The following MYZAP variants were observed in gnomAD, a reference collection of about 807,000 sequenced individuals.
The protein encoded by MYZAP is GRINL1A complex locus upstream.
MYZAP carries 66 observed loss-of-function variants against 69.4 expected under a neutral mutation model. The ratio of observed to expected loss-of-function variants is 0.95; its 90% CI spans 0.78 to 1.17. MYZAP has a LOEUF of 1.17. MYZAP is among the 50% of genes most tolerant of loss of function. MYZAP has a pLI of 0.00. For missense variants in MYZAP, 611 were observed against 556.2 expected (o/e 1.10, Z -0.99); for synonymous variants, 256 against 205.9 (o/e 1.24, Z -2.09).
At chr15:57,625,438 C>T (rs1310190340) in intron 4 of MYZAP, among the ~76,000 whole-genome samples, 1 of 152,198 alleles carries the variant, frequency 6.6e-6, no homozygotes, top group African/African-American at 2.4e-5. Flanking sequence ...GTTATTTCAA[C>T]TGGGTTCTAG....
intron 11 of MYZAP, among the ~76,000 whole-genome samples, chr15:57,674,422 A>G (rs1307010365): frequency 6.6e-6 from 1 of 152,214 alleles, no homozygotes; most frequent in Non-Finnish European, 1.5e-5. Flanking sequence ...TTCCACACCT[A>G]CGAAAGACTA....
chr15:57,604,210 T>C, intron 1 of MYZAP, 59 bp from the exon 2 acceptor site: 1 of 1,579,220 alleles, frequency 6.3e-7, no homozygotes, highest in South Asian at 1.1e-5. Context: ...CAAGGTCATC[T>C]GGCTCTTTCT....
intron 10 of MYZAP, among the ~76,000 whole-genome samples, chr15:57,644,074 G>C (rs924583607): frequency 1.3e-5 from 2 of 152,222 alleles, no homozygotes; most frequent in Non-Finnish European, 2.9e-5. Context: ...TGGCAGATGG[G>C]ATGGAGGCAG....
intron 2 of MYZAP, among the ~76,000 whole-genome samples, chr15:57,606,089 T>C (rs1253767809): frequency 6.6e-6 from 1 of 152,132 alleles, no homozygotes; most frequent in Non-Finnish European, 1.5e-5. Flanking sequence ...TACTCATCAA[T>C]AGATGCAAAA....
Position 57,591,969 on chromosome 15 carries a change from C to T in MYZAP, c.-66C>T, listed in dbSNP as rs2033690731. On this transcript the variant is annotated 5_prime_UTR_variant, in exon 1 of 13. Coordinates refer to ENST00000267853, the MANE Select transcript of MYZAP (RefSeq NM_001018100.5). Reference sequence around the variant, plus strand: ...CCGCGTCGCCCCCGCGCAGGGCGGGCCCCGCACGCTTATTCTGCCCGGGAG... The same window carrying T: ...CCGCGTCGCCCCCGCGCAGGGCGGGTCCCGCACGCTTATTCTGCCCGGGAG... The T allele has an allele frequency of 1.5e-6, 2 of 1,318,410 alleles. No homozygotes were observed. The highest frequency in any genetic ancestry group is 3.7e-5 in the Admixed American group (1 of 26,902). 81.7% of individuals were successfully genotyped at this position (1,318,410 alleles called of 1,614,324 possible).
At chr15:57,601,963 A>T (rs866809873) in intron 1 of MYZAP, among the ~76,000 whole-genome samples, 1 of 152,138 alleles carries the variant, frequency 6.6e-6, no homozygotes, top group African/African-American at 2.4e-5. Context: ...AAGTGCTAAC[A>T]TGGGTCCCAA....
chr15:57,643,905 A>C (rs2037304902), intron 10 of MYZAP, among the ~76,000 whole-genome samples: 1 of 152,154 alleles, frequency 6.6e-6, no homozygotes, highest in Non-Finnish European at 1.5e-5. Flanking sequence ...CATTTTCTTT[A>C]GACTTCTTTT....
At chr15:57,664,161 G>A (rs2038454307) in intron 11 of MYZAP, among the ~76,000 whole-genome samples, 1 of 151,064 alleles carries the variant, frequency 6.6e-6, no homozygotes, top group African/African-American at 2.4e-5. Flanking sequence ...CTTTCAGACA[G>A]GTGCAGTCAT....
chr15:57,593,214 A>ACACACACACCCC lies in MYZAP; in HGVS notation c.75+1106_75+1107insACACACACCCCC, dbSNP rs1172761785. 3.0e-4 allele frequency among the ~76,000 whole-genome samples: 43 copies of ACACACACACCCC among 141,434 alleles called. 1 individual carries two copies. Among genetic ancestry groups the ACACACACACCCC allele is most frequent in the African/African-American group, 9.5e-4 (34 of 35,868 alleles). The allele number at this position is 141,434 out of a possible 152,430, so 92.8% of individuals were successfully genotyped here. ...CACACACACACACACACACACACAC[A>ACACACACACCCC]CCCCAGAATCCATCAGTTGGCTCAT... On this transcript the variant is annotated intron_variant, in intron 1 of 12. Transcript: ENST00000267853.
At chr15:57,648,171 T>G in intron 10 of MYZAP, 2 of 985,050 alleles carry the variant, frequency 2.0e-6, no homozygotes, top group Non-Finnish European at 2.4e-6. Flanking sequence ...TTTTAGAAGG[T>G]ATCAGCACAA....
chr15:57,677,877 G>A (rs1343658264), intron 12 of MYZAP, among the ~76,000 whole-genome samples: 1 of 151,942 alleles, frequency 6.6e-6, no homozygotes. Flanking sequence ...ACCTCATTGG[G>A]TTGCTTTGAA....
intron 6 of MYZAP, 66 bp from the exon 7 acceptor site, chr15:57,632,368 C>G: frequency 6.2e-7 from 1 of 1,604,276 alleles, no homozygotes; most frequent in South Asian, 1.1e-5. Flanking sequence ...ATGAAATGTG[C>G]AGTGGAAGCT....
rs1244767243 is a variant in MYZAP, at chr15:57,676,436, G to GTATA, written c.1304+1387_1304+1390dup. Among the ~76,000 whole-genome samples the GTATA allele has an allele frequency of 3.0e-3, 60 of 20,088 alleles. 1 individual carries two copies. Among genetic ancestry groups the GTATA allele is most frequent in the African/African-American group, 5.0e-3 (55 of 11,028 alleles). The allele number at this position is 20,088 out of a possible 152,430, so 13.2% of individuals were successfully genotyped here. On this transcript the variant is annotated intron_variant, in intron 12 of 12. Coordinates refer to ENST00000267853, the MANE Select transcript of MYZAP (RefSeq NM_001018100.5). ...TATATATATGTGTATATATATATAT[G>GTATA]TATATATATATATATATATATACAT...
At chr15:57,631,584 C>T (rs2036510591) in intron 6 of MYZAP, among the ~76,000 whole-genome samples, 1 of 152,094 alleles carries the variant, frequency 6.6e-6, no homozygotes, top group Non-Finnish European at 1.5e-5. Context: ...ATGGAGCACA[C>T]AGCACACAGG....
chr15:57,634,543 G>A (rs1291164821), intron 8 of MYZAP, among the ~76,000 whole-genome samples: 4 of 152,182 alleles, frequency 2.6e-5, no homozygotes, highest in Admixed American at 1.3e-4. Context: ...TGGAGGCAGA[G>A]GTGGGGCAGC....
chr15:57,660,889 G>C (rs576311752), intron 10 of MYZAP, among the ~76,000 whole-genome samples: 11 of 152,250 alleles, frequency 7.2e-5, no homozygotes, highest in African/African-American at 2.6e-4. Context: ...CTTACTCCAG[G>C]CCACATGAGT....
At chr15:57,627,407 G>A (rs2036212787) in intron 5 of MYZAP, among the ~76,000 whole-genome samples, 1 of 134,510 alleles carries the variant, frequency 7.4e-6, no homozygotes, top group Non-Finnish European at 1.6e-5. Context: ...GGGAGGGGAG[G>A]GGAAGGGGGA....
intron 11 of MYZAP, among the ~76,000 whole-genome samples, chr15:57,665,289 T>A (rs1335712182): frequency 1.3e-5 from 2 of 152,374 alleles, no homozygotes; most frequent in East Asian, 3.9e-4. Context: ...GTGAGTCTTA[T>A]AGGCTGGCAA....
intron 2 of MYZAP, among the ~76,000 whole-genome samples, chr15:57,604,704 A>C (rs1424902098): frequency 5.3e-5 from 8 of 152,198 alleles, no homozygotes; most frequent in Non-Finnish European, 8.8e-5. Flanking sequence ...TATTGTGAGC[A>C]GCTGGCGGGG....
Sources: gnomAD v4.1 joint callset for allele counts (sites outside exome capture counted in the v4.1 genomes callset) on GRCh38, gnomAD v4.1.1 for gene constraint, MANE v1.5 for transcripts, NCBI Gene and HGNC (gene_info 2026-07-23, HGNC 2026-07-21) for gene names.